PVT1: variants seen among roughly 807,000 people sequenced by gnomAD.
PVT1 encodes the protein CXCR4/PVT1 fusion.
At chr8:127,966,219 A>G (rs1247003563) in intron 3 of PVT1, among the ~76,000 whole-genome samples, 1 of 152,170 alleles carries the variant, frequency 6.6e-6, no homozygotes, top group Non-Finnish European at 1.5e-5. Context: ...ACTGTATGGT[A>G]TTGAATTTAC....
chr8:127,923,518 T>C (rs1816090491), intron 3 of PVT1, among the ~76,000 whole-genome samples: 1 of 152,214 alleles, frequency 6.6e-6, no homozygotes, highest in African/African-American at 2.4e-5. Flanking sequence ...CTGCTGTCAC[T>C]GCCTTGGTTT....
intron 4 of PVT1, among the ~76,000 whole-genome samples, chr8:128,050,012 G>C (rs145931180): frequency 5.3e-5 from 8 of 152,044 alleles, no homozygotes; most frequent in African/African-American, 1.9e-4. Flanking sequence ...CGATGATCAC[G>C]TGATTTGGAA....
chr8:128,087,833 A>T (rs374561287), intron 5 of PVT1, among the ~76,000 whole-genome samples: 1 of 142,378 alleles, frequency 7.0e-6, no homozygotes, highest in Non-Finnish European at 1.5e-5. Context: ...GCTCACTGCA[A>T]CCTCCACCTT....
At chr8:128,031,478 C>A (rs1037034445) in intron 4 of PVT1, among the ~76,000 whole-genome samples, 1 of 152,046 alleles carries the variant, frequency 6.6e-6, no homozygotes, top group Non-Finnish European at 1.5e-5. Context: ...GTTGCCAGGG[C>A]CCCTGGTATT....
chr8:128,087,958 C>T (rs2130163264), intron 5 of PVT1, among the ~76,000 whole-genome samples: 1 of 152,034 alleles, frequency 6.6e-6, no homozygotes, highest in Admixed American at 6.6e-5. Context: ...GGGGTTTCAC[C>T]ATGTTGTCCA....
At chr8:127,831,139 ATC>A (rs147278525) in intron 2 of PVT1, among the ~76,000 whole-genome samples, 25 of 141,954 alleles carry the variant, frequency 1.8e-4, no homozygotes, top group South Asian at 4.5e-4. Flanking sequence ...ATCTATATCT[ATC>A]TCTCTCTCTC....
At chr8:127,837,497 T>G (rs572210347) in intron 2 of PVT1, among the ~76,000 whole-genome samples, 146 of 152,134 alleles carry the variant, frequency 9.6e-4, no homozygotes, top group African/African-American at 3.4e-3. Flanking sequence ...AAAAATTCCC[T>G]TGATTTATTG....
chr8:127,919,850 T>G (rs1244205681), intron 3 of PVT1, among the ~76,000 whole-genome samples: 1 of 152,224 alleles, frequency 6.6e-6, no homozygotes, highest in Non-Finnish European at 1.5e-5. Flanking sequence ...TTCCTTCTGC[T>G]CTACATTTTG....
intron 5 of PVT1, among the ~76,000 whole-genome samples, chr8:128,086,601 C>T (rs1231276400): frequency 6.6e-6 from 1 of 152,236 alleles, no homozygotes; most frequent in Non-Finnish European, 1.5e-5. Flanking sequence ...AAAGCTCACA[C>T]CACAACAGCT....
chr8:127,926,540 TG>T (rs763079634), intron 3 of PVT1, among the ~76,000 whole-genome samples: 2 of 152,186 alleles, frequency 1.3e-5, no homozygotes, highest in Non-Finnish European at 2.9e-5. Context: ...TGTTTCCATG[TG>T]GGGTAAACTC....
chr8:128,062,630 A>G (rs929962264), intron 4 of PVT1, among the ~76,000 whole-genome samples: 3 of 152,242 alleles, frequency 2.0e-5, no homozygotes, highest in Non-Finnish European at 4.4e-5. Flanking sequence ...TAGAAAAAAT[A>G]TGTATTTGCT....
chr8:127,896,752 C>T (rs1361140815), intron 3 of PVT1, among the ~76,000 whole-genome samples: 1 of 151,024 alleles, frequency 6.6e-6, no homozygotes, highest in African/African-American at 2.5e-5. Context: ...CATGCATTAG[C>T]TATTTTTCCT....
At chr8:127,930,112 T>C (rs1307773697) in intron 3 of PVT1, among the ~76,000 whole-genome samples, 1 of 152,138 alleles carries the variant, frequency 6.6e-6, no homozygotes, top group Non-Finnish European at 1.5e-5. Flanking sequence ...ATTTCACAAA[T>C]AACAATAATT....
intron 2 of PVT1, among the ~76,000 whole-genome samples, chr8:127,866,979 T>G (rs1168074638): frequency 6.6e-6 from 1 of 152,228 alleles, no homozygotes; most frequent in East Asian, 1.9e-4. Context: ...ATTCACTGAT[T>G]CACTGTAGAG....
At chr8:127,886,826 G>A (rs1456572365) in intron 2 of PVT1, among the ~76,000 whole-genome samples, 1 of 152,080 alleles carries the variant, frequency 6.6e-6, no homozygotes, top group African/African-American at 2.4e-5. Context: ...TCTTAAGAAT[G>A]GATTACATTT....
At chr8:127,817,880 G>A (rs1180241350) in intron 2 of PVT1, among the ~76,000 whole-genome samples, 1 of 152,024 alleles carries the variant, frequency 6.6e-6, no homozygotes, top group African/African-American at 2.4e-5. Context: ...AATAGAGAGA[G>A]AAAGATCCGG....
At position 128,016,597 on chromosome 8, in the gene PVT1, T is replaced by C. The variant is rs115592612; in HGVS notation, n.912+27306T>C. 3.5e-3 allele frequency among the ~76,000 whole-genome samples: 538 copies of C among 152,374 alleles called. 3 individuals are homozygous for C. The highest frequency in any genetic ancestry group is 0.012 in the African/African-American group (518 of 41,580). On this transcript the variant is annotated intron_variant and non_coding_transcript_variant, in intron 4 of 10. Coordinates refer to ENST00000651587, the Ensembl canonical transcript of PVT1. The stretch of plus-strand genomic sequence containing the variant: ...TACATTAACTCCTCCCTTGCTGGTA[T>C]CTTATAGATTGTCTTTGGTTTTGTT...
intron 2 of PVT1, among the ~76,000 whole-genome samples, chr8:127,832,328 G>C (rs1814859201): frequency 6.6e-6 from 1 of 152,128 alleles, no homozygotes; most frequent in African/African-American, 2.4e-5. Context: ...GGCATCACTA[G>C]CTGATCATGA....
chr8:127,810,298 G>C (rs767645169), intron 2 of PVT1, among the ~76,000 whole-genome samples: 3 of 152,206 alleles, frequency 2.0e-5, no homozygotes, highest in Non-Finnish European at 4.4e-5. Flanking sequence ...TGCTGATCTC[G>C]TTAAAAAGGA....
Sources: allele counts gnomAD v4.1 joint callset (sites outside exome capture counted in the v4.1 genomes callset), GRCh38; gene constraint gnomAD v4.1.1; transcripts MANE v1.5; gene names NCBI Gene and HGNC (gene_info 2026-07-23, HGNC 2026-07-21).